Variants in NRG3 observed in about 807,000 individuals in gnomAD.
The protein encoded by NRG3 is neuregulin 3, also known as pro-neuregulin-3, membrane-bound isoform.
Under a neutral mutation model 66.9 loss-of-function variants are expected in NRG3, and 31 were observed. That is an observed-to-expected ratio of 0.46 (90% CI 0.35 to 0.63). NRG3 has a LOEUF of 0.63. Ranked by LOEUF, NRG3 falls within the 20% of genes least tolerant of loss-of-function variation. The probability of loss-of-function intolerance (pLI) is 0.00; values close to 1 mark genes in which losing one functional copy is unlikely to be tolerated. For synonymous variants in NRG3, 393 were observed against 359.4 expected (o/e 1.09, Z -1.06); for missense variants, 910 against 878.9 (o/e 1.04, Z -0.45).
At chr10:81,908,371 G>A (rs964679196) in intron 1 of NRG3, among the ~76,000 whole-genome samples, 8 of 152,158 alleles carry the variant, frequency 5.3e-5, no homozygotes, top group African/African-American at 1.7e-4. Context: ...ATGAGCCTAT[G>A]ATTGGTAACA....
At chr10:82,844,392 A>G (rs775190230) in intron 3 of NRG3, among the ~76,000 whole-genome samples, 1 of 152,218 alleles carries the variant, frequency 6.6e-6, no homozygotes, top group African/African-American at 2.4e-5. Context: ...CCCGGATGCC[A>G]AAACTGGTTT....
At chr10:82,116,601 A>G (rs989745285) in intron 1 of NRG3, among the ~76,000 whole-genome samples, 17 of 152,310 alleles carry the variant, frequency 1.1e-4, no homozygotes, top group Admixed American at 5.9e-4. Flanking sequence ...TTAAGAGCCT[A>G]TATTTTTTAT....
At chr10:82,413,092 T>A (rs2088234488) in intron 2 of NRG3, among the ~76,000 whole-genome samples, 1 of 152,182 alleles carries the variant, frequency 6.6e-6, no homozygotes, top group South Asian at 2.1e-4. Flanking sequence ...TCCTTAATAG[T>A]CTTAATGGCA....
intron 2 of NRG3, among the ~76,000 whole-genome samples, chr10:82,475,656 G>C (rs958275633): frequency 1.3e-5 from 2 of 152,096 alleles, no homozygotes; most frequent in African/African-American, 4.8e-5. Flanking sequence ...AAAAAATTAA[G>C]TTAGACCCTT....
At chr10:82,709,948 T>G (rs1176585914) in intron 2 of NRG3, among the ~76,000 whole-genome samples, 1 of 152,218 alleles carries the variant, frequency 6.6e-6, no homozygotes. Flanking sequence ...AATAATTATT[T>G]GGACCCAAGA....
At position 82,201,559 on chromosome 10, in the gene NRG3, A is replaced by C. The variant is rs148954654; in HGVS notation, c.824-157180A>C. On this transcript the variant is annotated intron_variant, in intron 1 of 8. Transcript: ENST00000372141. ...TTGAACAATAGTGACCATTTTGGTG[A>C]GAGGCCTTTAATAGCGGTATTGAGA... is the stretch of plus-strand genomic sequence containing the variant. Among the ~76,000 whole-genome samples the C allele has an allele frequency of 8.5e-4, 129 of 152,268 alleles. 1 individual carries two copies. The East Asian group carries it at 0.022, about 26-fold the overall frequency.
At chr10:82,028,706 G>A (rs991063037) in intron 1 of NRG3, among the ~76,000 whole-genome samples, 1 of 152,130 alleles carries the variant, frequency 6.6e-6, no homozygotes, top group Middle Eastern at 3.4e-3. Flanking sequence ...ATAGAAATCT[G>A]CTTCTGTTTT....
chr10:82,582,006 G>A (rs912351438), intron 2 of NRG3, among the ~76,000 whole-genome samples: 5 of 151,724 alleles, frequency 3.3e-5, no homozygotes, highest in East Asian at 1.9e-4. Flanking sequence ...TTATAGTATC[G>A]AATCAATATT....
At chr10:82,200,004 G>C (rs1253392265) in intron 1 of NRG3, among the ~76,000 whole-genome samples, 1 of 151,734 alleles carries the variant, frequency 6.6e-6, no homozygotes, top group Admixed American at 6.6e-5. Context: ...TTCAGCCTCA[G>C]TATCCTTATC....
At chr10:82,019,534 C>G (rs1185743288) in intron 1 of NRG3, among the ~76,000 whole-genome samples, 3 of 152,106 alleles carry the variant, frequency 2.0e-5, no homozygotes, top group Non-Finnish European at 4.4e-5. Flanking sequence ...CCTTGTACCT[C>G]TGGTAGAATT....
intron 2 of NRG3, among the ~76,000 whole-genome samples, chr10:82,706,039 G>A (rs1167388559): frequency 6.6e-6 from 1 of 152,084 alleles, no homozygotes; most frequent in Non-Finnish European, 1.5e-5. Flanking sequence ...GAGCTGTAGG[G>A]ACAGCTCCAA....
chr10:81,890,850 G>A (rs1842953696), intron 1 of NRG3, among the ~76,000 whole-genome samples: 1 of 152,140 alleles, frequency 6.6e-6, no homozygotes, highest in Non-Finnish European at 1.5e-5. Context: ...AGTGATCTTT[G>A]GCCAGTGATA....
chr10:82,638,233 G>A (rs574330370), intron 2 of NRG3, among the ~76,000 whole-genome samples: 1 of 152,228 alleles, frequency 6.6e-6, no homozygotes, highest in South Asian at 2.1e-4. Flanking sequence ...TTAATAGGAG[G>A]AACATACCGA....
Position 82,609,190 on chromosome 10 carries a change from A to G in NRG3, c.954-129387A>G, listed in dbSNP as rs559498364. Among the ~76,000 whole-genome samples, 3 of 152,346 alleles carry G rather than the reference A, an allele frequency of 2.0e-5. No individual in the cohort carries two copies. In the South Asian group the frequency reaches 6.2e-4, roughly 32 times the overall value. ...AAGAAAGATTTGGAGAATCAAAGTA[A>G]CATATTCAAAAGCATCACTAATAAG... On this transcript the variant is annotated intron_variant, in intron 2 of 8. Coordinates refer to ENST00000372141, the MANE Select transcript of NRG3 (RefSeq NM_001010848.4).
At chr10:82,921,605 T>A (rs1202851689) in intron 4 of NRG3, among the ~76,000 whole-genome samples, 2 of 152,200 alleles carry the variant, frequency 1.3e-5, no homozygotes, top group African/African-American at 4.8e-5. Context: ...AAATAAAATA[T>A]TTAAACACTA....
chr10:82,413,090 A>G (rs182458898), intron 2 of NRG3, among the ~76,000 whole-genome samples: 2 of 152,274 alleles, frequency 1.3e-5, no homozygotes, highest in Admixed American at 1.3e-4. Context: ...GATCCTTAAT[A>G]GTCTTAATGG....
intron 1 of NRG3, among the ~76,000 whole-genome samples, chr10:82,165,605 A>G (rs979365550): frequency 1.3e-5 from 2 of 152,032 alleles, no homozygotes; most frequent in African/African-American, 2.4e-5. Flanking sequence ...CTCTAAATAC[A>G]TATAGAATAT....
At chr10:82,248,221 C>T (rs938338239) in intron 1 of NRG3, among the ~76,000 whole-genome samples, 1 of 152,140 alleles carries the variant, frequency 6.6e-6, no homozygotes, top group Non-Finnish European at 1.5e-5. Flanking sequence ...TTTTCAGTAC[C>T]ATTTAACTCT....
At chr10:82,778,720 T>A (rs2060003146) in intron 3 of NRG3, among the ~76,000 whole-genome samples, 1 of 152,066 alleles carries the variant, frequency 6.6e-6, no homozygotes, top group Non-Finnish European at 1.5e-5. Context: ...GGCAGGAGTG[T>A]CTGGTCCTTT....
Sources: gnomAD v4.1 joint callset for allele counts (sites outside exome capture counted in the v4.1 genomes callset) on GRCh38, gnomAD v4.1.1 for gene constraint, MANE v1.5 for transcripts, NCBI Gene and HGNC (gene_info 2026-07-23, HGNC 2026-07-21) for gene names.